MSI1: variants seen among roughly 807,000 people sequenced by gnomAD.
MSI1 encodes the protein musashi RNA binding protein 1.
MSI1 carries 15 observed loss-of-function variants against 54.4 expected under a neutral mutation model. The ratio of observed to expected loss-of-function variants is 0.28; its 90% CI spans 0.18 to 0.42. MSI1 has a LOEUF of 0.42. MSI1 is among the 20% of genes least tolerant of loss of function. The pLI is 1.00. For synonymous variants in MSI1, 200 were observed against 196.5 expected (o/e 1.02, Z -0.15); for missense variants, 304 against 506.0 (o/e 0.60, Z 3.83).
intron 9 of MSI1, among the ~76,000 whole-genome samples, chr12:120,355,030 CAAAAA>C (rs71076610): frequency 2.3e-5 from 1 of 44,116 alleles, no homozygotes; most frequent in Non-Finnish European, 3.8e-5. Flanking sequence ...CCGTCTCTAC[CAAAAA>C]AAAAAAAAAA....
chr12:120,359,109 C>CCA, intron 6 of MSI1, 56 bp from the exon 7 acceptor site: 10 of 1,548,860 alleles, frequency 6.5e-6, no homozygotes, highest in Middle Eastern at 1.7e-4. Flanking sequence ...CCCACTACCA[C>CCA]CAAGGAACAG....
chr12:120,347,363 T>A (rs1468580182), intron 12 of MSI1, 83 bp downstream of exon 12: 1 of 1,452,198 alleles, frequency 6.9e-7, no homozygotes, highest in African/African-American at 1.4e-5. Flanking sequence ...TGCAAAGGGG[T>A]GGCAGTGGCC....
intron 14 of MSI1, among the ~76,000 whole-genome samples, chr12:120,344,175 G>A (rs1873923989): frequency 6.6e-6 from 1 of 152,136 alleles, no homozygotes; most frequent in Non-Finnish European, 1.5e-5. Context: ...TGTTTTGATA[G>A]CTGTGTACTA....
intron 6 of MSI1, among the ~76,000 whole-genome samples, chr12:120,362,156 C>T (rs1333968794): frequency 6.6e-6 from 1 of 151,762 alleles, no homozygotes; most frequent in Non-Finnish European, 1.5e-5. Context: ...CCAGGGGACA[C>T]CTCCCCCCCC....
In MSI1 at chr12:120,353,324, G is replaced by C. The variant is rs1874801131; in HGVS notation, c.708C>G (p.Ala236=). 6.2e-7 allele frequency: 1 copy of C among 1,613,954 alleles called. No individual in the cohort carries two copies. Among genetic ancestry groups the C allele is most frequent in the Non-Finnish European group, 8.5e-7 (1 of 1,180,008 alleles). ...CGGGGAACTGGTAGGTGTAGCCAGGGGCGAGGCCTGTATAACTCCGGCTGG... is the reference window on the plus strand; with the variant it reads ...CGGGGAACTGGTAGGTGTAGCCAGGCGCGAGGCCTGTATAACTCCGGCTGG... ...TYASRSYTGL[A]PGYTYQFPEF... Residue 236 remains alanine, a synonymous_variant, in exon 10 of 15, where the codon GCC becomes GCG. Transcript: ENST00000257552.
chr12:120,347,213 G>A (rs750152449), intron 12 of MSI1, among the ~76,000 whole-genome samples: 2 of 152,196 alleles, frequency 1.3e-5, no homozygotes, highest in African/African-American at 4.8e-5. Context: ...GCCTCCCAAA[G>A]TGCCAGGATT....
chr12:120,364,680 T>C, intron 5 of MSI1, 34 bp downstream of exon 5: 1 of 1,564,200 alleles, frequency 6.4e-7, no homozygotes, highest in Non-Finnish European at 8.6e-7. Context: ...TTGCCCATAG[T>C]AAGAGAGCTC....
At chr12:120,366,577 C>A (rs1284708857) in intron 4 of MSI1, among the ~76,000 whole-genome samples, 4 of 152,146 alleles carry the variant, frequency 2.6e-5, no homozygotes, top group African/African-American at 7.2e-5. Flanking sequence ...CCACGCACAC[C>A]CCATCCCTGA....
chr12:120,356,775 C>T lies in MSI1; in HGVS notation c.652+127G>A, dbSNP rs1032579732. 103 of 847,162 alleles carry T rather than the reference C, an allele frequency of 1.2e-4. No individual in the cohort carries two copies. The Middle Eastern group carries it at 2.3e-3, about 19-fold the overall frequency. The allele number at this position is 847,162 out of a possible 1,614,324, so 52.5% of individuals were successfully genotyped here. A position where few individuals can be genotyped will look rare whatever the true frequency, so the allele number is the denominator to read the frequency against. On this transcript the variant is annotated intron_variant, in intron 9 of 14. Transcript: ENST00000257552. ...CCAGACCCGACAGATCCCTTGTCCC[C>T]ACTCCTGCTCAATGACTCAGACAGG...
chr12:120,361,528 C>T (rs534676021), intron 6 of MSI1: 1 of 151,960 alleles, frequency 6.6e-6, no homozygotes, highest in East Asian at 1.9e-4. Flanking sequence ...AGGGAGGCTC[C>T]CGGCCCAGTG....
At chr12:120,354,880 A>G (rs909655400) in intron 9 of MSI1, among the ~76,000 whole-genome samples, 3 of 152,128 alleles carry the variant, frequency 2.0e-5, no homozygotes, top group Admixed American at 2.0e-4. Context: ...TCTGAAGGAC[A>G]AAAATATTCT....
intron 7 of MSI1, 100 bp downstream of exon 7, chr12:120,358,905 G>A (rs1463194187): frequency 7.5e-7 from 1 of 1,329,720 alleles, no homozygotes; most frequent in Non-Finnish European, 1.1e-6. Context: ...GATCCTGGGG[G>A]ATAGGATGTC....
intron 11 of MSI1, among the ~76,000 whole-genome samples, chr12:120,350,959 CA>C (rs1336153233): frequency 6.6e-6 from 1 of 152,192 alleles, no homozygotes; most frequent in African/African-American, 2.4e-5. Flanking sequence ...AGTCAGCTGG[CA>C]CCGAGGGCAG....
At position 120,353,151 on chromosome 12, in the gene MSI1, G is replaced by C. The variant is rs931321277; in HGVS notation, c.733+148C>G. 12 of 769,202 alleles carry C rather than the reference G, an allele frequency of 1.6e-5. No individual in the cohort carries two copies. In the Admixed American group the frequency reaches 2.6e-4, roughly 17 times the overall value. 47.6% of individuals were successfully genotyped at this position (769,202 alleles called of 1,614,324 possible). A position where few individuals can be genotyped will look rare whatever the true frequency, so the allele number is the denominator to read the frequency against. ...GGGGTTTGGGGGGGATGGGTGGGGA[G>C]AGGCCCTCTTTCCTCAGACATGCCC... is the stretch of plus-strand genomic sequence containing the variant. On this transcript the variant is annotated intron_variant, in intron 10 of 14. Coordinates refer to ENST00000257552, the MANE Select transcript of MSI1 (RefSeq NM_002442.4).
intron 9 of MSI1, among the ~76,000 whole-genome samples, chr12:120,354,889 CT>C (rs1485682353): frequency 6.6e-6 from 1 of 152,014 alleles, no homozygotes; most frequent in Non-Finnish European, 1.5e-5. Flanking sequence ...CAAAAATATT[CT>C]ATAAAGAGCA....
At chr12:120,362,468 C>G (rs753887507) in intron 6 of MSI1, among the ~76,000 whole-genome samples, 14 of 152,180 alleles carry the variant, frequency 9.2e-5, no homozygotes, top group Non-Finnish European at 2.1e-4. Flanking sequence ...AATTAAAGCT[C>G]CATGCCCCTT....
At chr12:120,364,449 C>T (rs183099159) in intron 5 of MSI1, among the ~76,000 whole-genome samples, 3 of 152,086 alleles carry the variant, frequency 2.0e-5, no homozygotes, top group East Asian at 3.9e-4. Flanking sequence ...AAATACAGGA[C>T]GATGAATCCT....
chr12:120,367,338 T>C (rs1057439938), intron 4 of MSI1, among the ~76,000 whole-genome samples: 6 of 152,068 alleles, frequency 3.9e-5, no homozygotes, highest in Non-Finnish European at 7.4e-5. Context: ...CCCTGCAGGG[T>C]CTAAGACACG....
chr12:120,367,307 A>G (rs562629294), intron 4 of MSI1, among the ~76,000 whole-genome samples: 3 of 152,158 alleles, frequency 2.0e-5, no homozygotes, highest in Admixed American at 6.5e-5. Flanking sequence ...CTACTTTTCC[A>G]TCTGCCCTGG....
Sources: allele counts gnomAD v4.1 joint callset (sites outside exome capture counted in the v4.1 genomes callset), GRCh38; gene constraint gnomAD v4.1.1; transcripts MANE v1.5; gene names NCBI Gene and HGNC (gene_info 2026-07-23, HGNC 2026-07-21).